The following SNTB2 variants were observed in gnomAD, a reference collection of about 807,000 sequenced individuals.
SNTB2 encodes the protein beta-2-syntrophin.
A neutral mutation model predicts 46.2 loss-of-function variants in SNTB2; 34 were observed. The ratio of observed to expected loss-of-function variants is 0.74; its 90% CI spans 0.56 to 0.98. SNTB2 has a LOEUF of 0.98. SNTB2 is among the 50% of genes least tolerant of loss of function. The pLI, the probability that SNTB2 is intolerant of heterozygous loss-of-function variation, is 0.00. For synonymous variants in SNTB2, 290 were observed against 312.6 expected, an observed-to-expected ratio of 0.93 and a Z score of 0.76; for missense variants, 603 against 731.4, an observed-to-expected ratio of 0.82 and a Z score of 2.02.
chr16:69,236,067 G>A (rs1010900652), intron 1 of SNTB2, among the ~76,000 whole-genome samples: 15 of 152,172 alleles, frequency 9.9e-5, no homozygotes, highest in African/African-American at 2.9e-4. Flanking sequence ...TAAGGACACA[G>A]GAAAAGTCAG....
chr16:69,259,756 C>T (rs935637254), intron 2 of SNTB2, among the ~76,000 whole-genome samples: 8 of 151,638 alleles, frequency 5.3e-5, no homozygotes, highest in African/African-American at 1.9e-4. Flanking sequence ...ATTACAGGCA[C>T]CCACCACCAT....
chr16:69,273,666 C>CTG (rs1201173485), intron 4 of SNTB2, among the ~76,000 whole-genome samples: 18 of 152,102 alleles, frequency 1.2e-4, no homozygotes, highest in South Asian at 2.1e-4. Flanking sequence ...CTAAAGACCA[C>CTG]TGTACTTCAA....
intron 3 of SNTB2, 28 bp from the exon 4 acceptor site, chr16:69,270,115 T>A: frequency 6.2e-7 from 1 of 1,613,348 alleles, no homozygotes; most frequent in Non-Finnish European, 8.5e-7. Context: ...TAGTTAGCCC[T>A]GATTTCTGAA....
intron 1 of SNTB2, among the ~76,000 whole-genome samples, chr16:69,203,232 G>T (rs533296737): frequency 6.6e-6 from 1 of 151,790 alleles, no homozygotes; most frequent in African/African-American, 2.4e-5. Flanking sequence ...TGGCTAGGCT[G>T]GTCTCGAACT....
At chr16:69,271,594 C>T (rs1964938262) in intron 4 of SNTB2, among the ~76,000 whole-genome samples, 1 of 152,010 alleles carries the variant, frequency 6.6e-6, no homozygotes, top group African/African-American at 2.4e-5. Context: ...TGACAGTAAT[C>T]CTACAAAAAT....
At chr16:69,252,903 G>GTTTTT (rs35211076) in intron 2 of SNTB2, among the ~76,000 whole-genome samples, 2 of 133,290 alleles carry the variant, frequency 1.5e-5, no homozygotes, top group Non-Finnish European at 3.2e-5. Flanking sequence ...CCCTTTGTCA[G>GTTTTT]TTTTTTTTTT....
intron 2 of SNTB2, among the ~76,000 whole-genome samples, chr16:69,250,632 C>T (rs1264659828): frequency 2.0e-5 from 3 of 152,118 alleles, no homozygotes; most frequent in Non-Finnish European, 4.4e-5. Flanking sequence ...GCTGGGGGCT[C>T]ATGCCTGTAA....
chr16:69,240,911 A>T (rs1393364988), intron 1 of SNTB2: 1 of 152,240 alleles, frequency 6.6e-6, no homozygotes, highest in East Asian at 1.9e-4. Flanking sequence ...TCCAGGCTGG[A>T]GTGCAATAGC....
intron 1 of SNTB2, among the ~76,000 whole-genome samples, chr16:69,214,070 G>T (rs556922219): frequency 6.7e-6 from 1 of 148,826 alleles, no homozygotes; most frequent in Non-Finnish European, 1.5e-5. Context: ...TGATCCACCC[G>T]CCTCGGCCTC....
At chr16:69,232,724 A>G (rs902543733) in intron 1 of SNTB2, among the ~76,000 whole-genome samples, 2 of 151,168 alleles carry the variant, frequency 1.3e-5, no homozygotes, top group African/African-American at 2.4e-5. Flanking sequence ...GTTGGCCAGG[A>G]TGGTCTCGAT....
intron 1 of SNTB2, among the ~76,000 whole-genome samples, chr16:69,198,352 A>C (rs946707863): frequency 6.6e-6 from 1 of 152,040 alleles, no homozygotes; most frequent in East Asian, 1.9e-4. Flanking sequence ...CAGGCAATCC[A>C]CCAGCCTCGG....
At position 69,243,547 on chromosome 16, in the gene SNTB2, A is replaced by G. The variant is rs117936700; in HGVS notation, c.581-2055A>G. Reference sequence around the variant, plus strand: ...CGTTAAGGGTTCTTTTCTAACCACTATATTATTCAAGAATTCATTTAGAAT... The same window carrying G: ...CGTTAAGGGTTCTTTTCTAACCACTGTATTATTCAAGAATTCATTTAGAAT... On this transcript the variant is annotated intron_variant, in intron 1 of 6. Transcript: ENST00000336278. Among the ~76,000 whole-genome samples, 4 of 152,324 alleles carry G rather than the reference A, an allele frequency of 2.6e-5. No individual in the cohort carries two copies. The East Asian group carries it at 7.7e-4, about 29-fold the overall frequency.
intron 1 of SNTB2, among the ~76,000 whole-genome samples, chr16:69,212,308 T>C (rs143153786): frequency 1.8e-4 from 28 of 152,026 alleles, no homozygotes; most frequent in African/African-American, 6.8e-4. Flanking sequence ...CACTTCAAAG[T>C]TGAGCATGCC....
chr16:69,204,615 C>A (rs1436709424), intron 1 of SNTB2, among the ~76,000 whole-genome samples: 1 of 152,140 alleles, frequency 6.6e-6, no homozygotes, highest in African/African-American at 2.4e-5. Context: ...TTTCCACAAC[C>A]TAAATGAATT....
chr16:69,259,602 CTTTTTTT>C (rs746479723), intron 2 of SNTB2, among the ~76,000 whole-genome samples: 1 of 120,618 alleles, frequency 8.3e-6, no homozygotes, highest in Non-Finnish European at 1.8e-5. Flanking sequence ...GAGAAAGTAT[CTTTTTTT>C]TTTTTTTTTT....
At chr16:69,232,452 G>A (rs1247694177) in intron 1 of SNTB2, among the ~76,000 whole-genome samples, 17 of 143,568 alleles carry the variant, frequency 1.2e-4, no homozygotes, top group South Asian at 4.4e-4. Context: ...TGATCTGCCC[G>A]CCTCAGCCTC....
chr16:69,283,710 G>A lies in SNTB2; in HGVS notation c.1149-338G>A, dbSNP rs116596561. Among the ~76,000 whole-genome samples, 454 of 152,182 alleles carry A rather than the reference G, an allele frequency of 3.0e-3. 5 individuals are homozygous for A. The highest frequency in any genetic ancestry group is 0.01 in the African/African-American group (421 of 41,536). ...TATAACCTCTTGGGAGCATAGAGGA[G>A]CTCATGGAAAATTAGGGCCACGGTT... is the stretch of plus-strand genomic sequence containing the variant. On this transcript the variant is annotated intron_variant, in intron 4 of 6. Coordinates refer to ENST00000336278, the MANE Select transcript of SNTB2 (RefSeq NM_006750.4).
intron 5 of SNTB2, among the ~76,000 whole-genome samples, chr16:69,294,445 T>C (rs1490732249): frequency 6.6e-6 from 1 of 152,076 alleles, no homozygotes; most frequent in Non-Finnish European, 1.5e-5. Flanking sequence ...TTTTACAGGC[T>C]GGGCATGGTG....
intron 5 of SNTB2, among the ~76,000 whole-genome samples, chr16:69,290,013 A>T (rs1358633782): frequency 6.6e-6 from 1 of 152,246 alleles, no homozygotes; most frequent in African/African-American, 2.4e-5. Flanking sequence ...CCTTGTCTCT[A>T]TGTTTTGGTT....
Sources: gnomAD v4.1 joint callset for allele counts (sites outside exome capture counted in the v4.1 genomes callset) on GRCh38, gnomAD v4.1.1 for gene constraint, MANE v1.5 for transcripts, NCBI Gene and HGNC (gene_info 2026-07-23, HGNC 2026-07-21) for gene names.